Variants in CCDC180 observed in about 807,000 individuals in gnomAD.
CCDC180 encodes coiled-coil domain-containing protein 180.
CCDC180 carries 154 observed loss-of-function variants against 209.2 expected under a neutral mutation model. The ratio of observed to expected loss-of-function variants is 0.74; its 90% CI spans 0.65 to 0.84. The LOEUF (loss-of-function observed/expected upper bound fraction) is 0.84, where lower values mean the gene tolerates loss of function less well. CCDC180 is among the 40% of genes least tolerant of loss of function. The pLI is 0.00. For missense variants in CCDC180, 1,874 were observed against 1,997.3 expected, an observed-to-expected ratio of 0.94 and a Z score of 1.18; for synonymous variants, 778 against 749.1, an observed-to-expected ratio of 1.04 and a Z score of -0.63.
In CCDC180 at chr9:97,328,098, C is replaced by T. The variant is rs1480928420; in HGVS notation, c.1740C>T (p.Tyr580=). The T allele has an allele frequency of 1.9e-6, 3 of 1,613,992 alleles. No homozygotes were observed. Among genetic ancestry groups the T allele is most frequent in the East Asian group, 4.5e-5 (2 of 44,890 alleles). Reference sequence around the variant, plus strand: ...TCATGCTGAAAGAACTCAACTCCTACAGCTCTGCCCTCAGCCAATACTTCT... The same window carrying T: ...TCATGCTGAAAGAACTCAACTCCTATAGCTCTGCCCTCAGCCAATACTTCT... ...PAIMLKELNS[Y]SSALSQYFFV... is the part of the protein sequence containing the mutation. The change falls in exon 16 of 37, where the codon TAC becomes TAT. Residue 580 remains tyrosine (Y), a synonymous_variant. Coordinates refer to ENST00000529487, the MANE Select transcript of CCDC180 (RefSeq NM_020893.6).
At chr9:97,319,063 T>G (rs888894850) in intron 10 of CCDC180, among the ~76,000 whole-genome samples, 12 of 152,048 alleles carry the variant, frequency 7.9e-5, no homozygotes, top group Non-Finnish European at 1.6e-4. Flanking sequence ...AGCTATTCAG[T>G]GGGGTGCCCA....
intron 11 of CCDC180, among the ~76,000 whole-genome samples, 175 bp downstream of exon 11, chr9:97,320,380 C>T (rs1833320490): frequency 6.6e-6 from 1 of 152,172 alleles, no homozygotes; most frequent in Non-Finnish European, 1.5e-5. Context: ...AAGGCCTCCC[C>T]TCCTCAGTGC....
intron 16 of CCDC180, 64 bp from the exon 17 acceptor site, chr9:97,330,088 AAG>A: frequency 1.7e-6 from 2 of 1,150,020 alleles, no homozygotes; most frequent in Non-Finnish European, 2.5e-6. Context: ...AAAAAAAAAA[AAG>A]GTGGGGGGCA....
intron 18 of CCDC180, among the ~76,000 whole-genome samples, chr9:97,340,466 A>G (rs2118756460): frequency 6.6e-6 from 1 of 152,362 alleles, no homozygotes; most frequent in Admixed American, 6.5e-5. Flanking sequence ...TATGCCAGAT[A>G]TGGATCTTAG....
Position 97,378,299 on chromosome 9 carries a change from T to A in CCDC180, c.*1405T>A, listed in dbSNP as rs934181822. On this transcript the variant is annotated 3_prime_UTR_variant, in exon 37 of 37. Transcript: ENST00000529487. ...ATTTTTATAAAATGGAATCATAACATGCATTAGGTTCCATAAACTGCTTGG... is the reference window on the plus strand; with the variant it reads ...ATTTTTATAAAATGGAATCATAACAAGCATTAGGTTCCATAAACTGCTTGG... The A allele has an allele frequency of 2.0e-5, 3 of 152,242 alleles. No individual in the cohort carries two copies. Among genetic ancestry groups the A allele is most frequent in the Admixed American group, 6.5e-5 (1 of 15,290 alleles). 9.4% of individuals were successfully genotyped at this position (152,242 alleles called of 1,614,324 possible). A position where few individuals can be genotyped will look rare whatever the true frequency, so the allele number is the denominator to read the frequency against.
intron 29 of CCDC180, 95 bp from the exon 30 acceptor site, chr9:97,365,578 A>G (rs1481752886): frequency 3.4e-6 from 4 of 1,163,584 alleles, no homozygotes; most frequent in Non-Finnish European, 5.2e-6. Flanking sequence ...GTCACGGCCA[A>G]AACAGAGCAC....
intron 3 of CCDC180, 75 bp from the exon 4 acceptor site, chr9:97,312,038 G>T (rs1833003909): frequency 2.4e-6 from 3 of 1,276,280 alleles, no homozygotes; most frequent in Admixed American, 3.4e-5. Flanking sequence ...ACCACCCCTT[G>T]GTGCCCTTAT....
At chr9:97,351,026 T>A (rs556170195) in intron 22 of CCDC180, among the ~76,000 whole-genome samples, 1 of 152,384 alleles carries the variant, frequency 6.6e-6, no homozygotes, top group African/African-American at 2.4e-5. Context: ...CCATTGTGTG[T>A]ATATATCACA....
At chr9:97,328,335 G>A (rs564229860) in intron 16 of CCDC180, among the ~76,000 whole-genome samples, 189 bp downstream of exon 16, 1 of 152,296 alleles carries the variant, frequency 6.6e-6, no homozygotes, top group Non-Finnish European at 1.5e-5. Context: ...AGAGGCTGAA[G>A]GGTTCAGAAT....
intron 22 of CCDC180, among the ~76,000 whole-genome samples, chr9:97,350,917 T>C (rs1826405354): frequency 6.6e-6 from 1 of 152,232 alleles, no homozygotes; most frequent in Non-Finnish European, 1.5e-5. Context: ...GTCCTTTTCT[T>C]GTCTGGCTCA....
intron 24 of CCDC180, among the ~76,000 whole-genome samples, chr9:97,355,568 A>G (rs758881672): frequency 6.6e-6 from 1 of 152,254 alleles, no homozygotes; most frequent in Non-Finnish European, 1.5e-5. Flanking sequence ...TATAGGAGGC[A>G]AGTACTGTTT....
intron 12 of CCDC180, 85 bp downstream of exon 12, chr9:97,323,006 C>T (rs1833408073): frequency 4.0e-6 from 4 of 1,007,120 alleles, no homozygotes; most frequent in African/African-American, 3.2e-5. Context: ...CACTGCCTTC[C>T]CCTCCCCAGC....
At chr9:97,346,877 TA>T (rs1261689780) in intron 19 of CCDC180, among the ~76,000 whole-genome samples, 3 of 152,198 alleles carry the variant, frequency 2.0e-5, no homozygotes, top group Non-Finnish European at 4.4e-5. Flanking sequence ...GTGCCCAGCC[TA>T]AATAATCTTA....
intron 8 of CCDC180, among the ~76,000 whole-genome samples, chr9:97,315,729 A>G (rs1218982121): frequency 6.6e-6 from 1 of 152,186 alleles, no homozygotes; most frequent in African/African-American, 2.4e-5. Flanking sequence ...GGTCCAGCCC[A>G]TGTCAGCTCC....
At position 97,318,574 on chromosome 9, in the gene CCDC180, C is replaced by T. The variant is rs571578244; in HGVS notation, c.1071C>T (p.Cys357=). 6.2e-7 allele frequency: 1 copy of T among 1,612,750 alleles called. No individual in the cohort carries two copies. Among genetic ancestry groups the T allele is most frequent in the Admixed American group, 1.7e-5 (1 of 60,010 alleles). ...VLQQRRLKHL[C]TICDLLPPSY... is the part of the protein sequence containing the mutation. The stretch of plus-strand genomic sequence containing the variant: ...AGCAAAGGCGGCTGAAGCATCTCTG[C>T]ACCATCTGGTATGGGCAGGAGGGGC... The change falls in exon 10 of 37, where the codon TGC becomes TGT. Residue 357 remains cysteine (C), a synonymous_variant. Transcript: ENST00000529487.
chr9:97,345,534 G>T, intron 19 of CCDC180: 2 of 405,196 alleles, frequency 4.9e-6, no homozygotes, highest in Non-Finnish European at 9.5e-6. Flanking sequence ...AAAATCTTTT[G>T]CCTATTATTT....
chr9:97,351,775 A>G (rs4313271), intron 22 of CCDC180, among the ~76,000 whole-genome samples: 77,342 of 151,872 alleles, frequency 0.51, 20,344 homozygotes, highest in African/African-American at 0.6. Flanking sequence ...GATGTAGGGA[A>G]TAAAGGAACC....
Position 97,328,009 on chromosome 9 carries a change from C to A in CCDC180, c.1662-11C>A. The A allele has an allele frequency of 6.2e-7, 1 of 1,611,590 alleles. No homozygotes were observed. The highest frequency in any genetic ancestry group is 1.1e-5 in the South Asian group (1 of 90,616). On this transcript the variant is annotated splice_polypyrimidine_tract_variant and intron_variant, in intron 15 of 36. Transcript: ENST00000529487. ...AGCTGGGGTCTCCTGTCTTACCTAC[C>A]TACCTCCCAGGTATGAATGTTTTCA...
intron 18 of CCDC180, among the ~76,000 whole-genome samples, chr9:97,336,757 A>G (rs1825916260): frequency 6.6e-6 from 1 of 152,140 alleles, no homozygotes; most frequent in Admixed American, 6.5e-5. Context: ...CTTGGGCAGT[A>G]TGGCCATTTT....
Sources: gnomAD v4.1 joint callset for allele counts (sites outside exome capture counted in the v4.1 genomes callset) on GRCh38, gnomAD v4.1.1 for gene constraint, MANE v1.5 for transcripts, NCBI Gene and HGNC (gene_info 2026-07-23, HGNC 2026-07-21) for gene names.